PPM1L: variants seen among roughly 807,000 people sequenced by gnomAD.
The protein encoded by PPM1L is protein phosphatase, Mg2+/Mn2+ dependent 1L, also known as protein phosphatase 1L.
In PPM1L, 13 loss-of-function variants were observed where a neutral mutation model predicts 31.4. The ratio of observed to expected loss-of-function variants is 0.41; its 90% CI spans 0.27 to 0.66. The LOEUF is 0.66. PPM1L is among the 30% of genes least tolerant of loss of function. The pLI, the probability that PPM1L is intolerant of heterozygous loss-of-function variation, is 0.29. For missense variants in PPM1L, 326 were observed against 453.7 expected (o/e 0.72, Z 2.56); for synonymous variants, 184 against 175.4 (o/e 1.05, Z -0.39).
At position 161,070,326 on chromosome 3, in the gene PPM1L, A is replaced by G. The variant is rs1719868535; in HGVS notation, c.*1169A>G. The G allele has an allele frequency of 6.6e-6, 1 of 152,216 alleles. No individual in the cohort carries two copies. The highest frequency in any genetic ancestry group is 2.1e-4 in the South Asian group (1 of 4,832). The allele number at this position is 152,216 out of a possible 1,614,324, so 9.4% of individuals were successfully genotyped here. On this transcript the variant is annotated 3_prime_UTR_variant, in exon 4 of 4. Coordinates refer to ENST00000498165, the MANE Select transcript of PPM1L (RefSeq NM_139245.4). ...GGATAAGCTTCTCCTTGACAATGGA[A>G]AGGCAGCAGTCTTCAACATTTGGTT...
chr3:160,949,766 T>G (rs1424193157), intron 1 of PPM1L, among the ~76,000 whole-genome samples: 3 of 152,196 alleles, frequency 2.0e-5, no homozygotes, highest in Non-Finnish European at 4.4e-5. Flanking sequence ...AGAGACACTT[T>G]GAAGTGGTTG....
chr3:160,916,213 GA>G lies in PPM1L; in HGVS notation c.400-45516del, dbSNP rs1418740811. ...ACAATGAACTCAAACAAATTTACAA[GA>G]AAAAAACAAACAACCCCATCAAAAA... is the stretch of plus-strand genomic sequence containing the variant. On this transcript the variant is annotated intron_variant, in intron 1 of 3. Coordinates refer to ENST00000498165, the MANE Select transcript of PPM1L (RefSeq NM_139245.4). Among the ~76,000 whole-genome samples the G allele has an allele frequency of 2.6e-5, 4 of 151,742 alleles. No individual in the cohort carries two copies. In the East Asian group the frequency reaches 5.8e-4, roughly 22 times the overall value.
intron 1 of PPM1L, among the ~76,000 whole-genome samples, chr3:160,868,011 C>CA (rs1330610669): frequency 6.6e-6 from 1 of 152,096 alleles, no homozygotes; most frequent in African/African-American, 2.4e-5. Flanking sequence ...GGCTGGTCTG[C>CA]AAAAAGGTGA....
At chr3:160,996,408 G>A (rs115399062) in intron 2 of PPM1L, among the ~76,000 whole-genome samples, 12,802 of 152,128 alleles carry the variant, frequency 0.084, 1,437 homozygotes, top group East Asian at 0.58. Flanking sequence ...ATCATTCAAC[G>A]AGTGGATAAA....
chr3:160,919,647 T>C (rs1022385578), intron 1 of PPM1L, among the ~76,000 whole-genome samples: 3 of 152,222 alleles, frequency 2.0e-5, no homozygotes, highest in Non-Finnish European at 4.4e-5. Context: ...ATAGTTATAA[T>C]GTTAGTTATG....
chr3:161,074,294 C>A lies in PPM1L; in HGVS notation c.*5137C>A, dbSNP rs139609104. The stretch of plus-strand genomic sequence containing the variant: ...TTAAGTTTGGCATGTTATCTCTTGC[C>A]TAAAATGTGAGGCCTTCCTGTAGTT... On this transcript the variant is annotated 3_prime_UTR_variant, in exon 4 of 4. Coordinates refer to ENST00000498165, the MANE Select transcript of PPM1L (RefSeq NM_139245.4). 1 of 152,114 alleles carries A rather than the reference C, an allele frequency of 6.6e-6. No individual in the cohort carries two copies. The highest frequency in any genetic ancestry group is 1.5e-5 in the Non-Finnish European group (1 of 68,026). The allele number at this position is 152,114 out of a possible 1,614,324, so 9.4% of individuals were successfully genotyped here.
At chr3:161,018,928 T>C (rs1718161641) in intron 2 of PPM1L, among the ~76,000 whole-genome samples, 1 of 152,212 alleles carries the variant, frequency 6.6e-6, no homozygotes, top group Non-Finnish European at 1.5e-5. Context: ...AAAGGCTTTG[T>C]AAGACTGATA....
chr3:160,779,637 C>T (rs1711678036), intron 1 of PPM1L, among the ~76,000 whole-genome samples: 1 of 152,112 alleles, frequency 6.6e-6, no homozygotes, highest in Non-Finnish European at 1.5e-5. Context: ...ATTCTCCTGC[C>T]TCCGCCTCCC....
intron 1 of PPM1L, among the ~76,000 whole-genome samples, chr3:160,781,680 C>G (rs722872): frequency 7.9e-4 from 120 of 152,274 alleles, no homozygotes; most frequent in African/African-American, 2.6e-3. Flanking sequence ...AAGTAATGGA[C>G]TACAGTGTGT....
chr3:160,907,379 G>A (rs1444287452), intron 1 of PPM1L, among the ~76,000 whole-genome samples: 1 of 152,176 alleles, frequency 6.6e-6, no homozygotes, highest in Non-Finnish European at 1.5e-5. Flanking sequence ...CTTTTTGAAA[G>A]TAGTTAAAAC....
rs148048344 is a variant in PPM1L, at chr3:160,825,399, A to G, written c.399+68692A>G. Among the ~76,000 whole-genome samples, 668 of 152,212 alleles carry G rather than the reference A, an allele frequency of 4.4e-3. 8 individuals are homozygous for G. Among genetic ancestry groups the G allele is most frequent in the Non-Finnish European group, 6.0e-3 (411 of 68,004 alleles). On this transcript the variant is annotated intron_variant, in intron 1 of 3. Transcript: ENST00000498165. Reference sequence around the variant, plus strand: ...GACCATTTTGACCTAAAAAAGTGTCATTTTCTTATGGTCTCACTTAAAATA... The same window carrying G: ...GACCATTTTGACCTAAAAAAGTGTCGTTTTCTTATGGTCTCACTTAAAATA...
intron 1 of PPM1L, among the ~76,000 whole-genome samples, chr3:160,843,466 A>ATATG (rs1713969215): frequency 1.8e-5 from 2 of 111,996 alleles, no homozygotes; most frequent in South Asian, 5.8e-4. Context: ...ATATATATAT[A>ATATG]TATGTTTTTT....
At chr3:160,915,875 G>C (rs1714157324) in intron 1 of PPM1L, among the ~76,000 whole-genome samples, 1 of 152,122 alleles carries the variant, frequency 6.6e-6, no homozygotes, top group African/African-American at 2.4e-5. Flanking sequence ...GCTGAAACTG[G>C]ATCCCTTCCT....
At chr3:161,003,875 T>C (rs1212533626) in intron 2 of PPM1L, among the ~76,000 whole-genome samples, 3 of 150,836 alleles carry the variant, frequency 2.0e-5, no homozygotes, top group South Asian at 2.1e-4. Context: ...TCCAACACTA[T>C]GTTGAATAGG....
chr3:161,016,712 A>T (rs1396749058), intron 2 of PPM1L, among the ~76,000 whole-genome samples: 1 of 152,184 alleles, frequency 6.6e-6, no homozygotes, highest in Non-Finnish European at 1.5e-5. Context: ...TTGAGAGTGG[A>T]GGCTACCCTG....
chr3:160,961,667 A>G (rs1238848012), intron 1 of PPM1L, 69 bp from the exon 2 acceptor site: 8 of 1,381,322 alleles, frequency 5.8e-6, no homozygotes, highest in Admixed American at 2.6e-5. Context: ...ATAGCACCTG[A>G]GGGTAAGTAA....
chr3:161,039,672 G>C lies in PPM1L; in HGVS notation c.575-25731G>C, dbSNP rs184708215. On this transcript the variant is annotated intron_variant, in intron 2 of 3. Coordinates refer to ENST00000498165, the MANE Select transcript of PPM1L (RefSeq NM_139245.4). ...CGAGTAGCTGGGACTACAGGTGCCC[G>C]CCACCACACCCGGCTAATTTTTGTA... Among the ~76,000 whole-genome samples, 518 of 152,064 alleles carry C rather than the reference G, an allele frequency of 3.4e-3. 2 individuals are homozygous for C. The highest frequency in any genetic ancestry group is 0.012 in the African/African-American group (501 of 41,492).
intron 1 of PPM1L, among the ~76,000 whole-genome samples, chr3:160,913,305 G>T (rs1312801810): frequency 2.0e-5 from 3 of 152,242 alleles, no homozygotes; most frequent in Non-Finnish European, 4.4e-5. Flanking sequence ...GCCCACCTTG[G>T]TGTAGACAGT....
chr3:160,939,934 A>G (rs536080666), intron 1 of PPM1L, among the ~76,000 whole-genome samples: 1 of 152,216 alleles, frequency 6.6e-6, no homozygotes, highest in South Asian at 2.1e-4. Context: ...AAAGCCTGGA[A>G]CCTCCTAGAG....
Sources: allele counts gnomAD v4.1 joint callset (sites outside exome capture counted in the v4.1 genomes callset), GRCh38; gene constraint gnomAD v4.1.1; transcripts MANE v1.5; gene names NCBI Gene and HGNC (gene_info 2026-07-23, HGNC 2026-07-21).